Variants in ZNF280D observed in about 807,000 individuals in gnomAD.
The protein encoded by ZNF280D is zinc finger protein 280D.
A neutral mutation model predicts 94.7 loss-of-function variants in ZNF280D; 39 were observed. That is an observed-to-expected ratio of 0.41 (90% CI 0.32 to 0.54). The LOEUF (loss-of-function observed/expected upper bound fraction) is 0.54, where lower values mean the gene tolerates loss of function less well. Among genes scored for constraint, ZNF280D ranks in the 20% least tolerant of loss-of-function variants. The pLI is 0.22. For missense variants in ZNF280D, 1,090 were observed against 1,149.3 expected, an observed-to-expected ratio of 0.95 and a Z score of 0.75; for synonymous variants, 398 against 377.6, an observed-to-expected ratio of 1.05 and a Z score of -0.63.
At chr15:56,708,585 G>A (rs545719176) in intron 1 of ZNF280D, among the ~76,000 whole-genome samples, 2 of 152,158 alleles carry the variant, frequency 1.3e-5, no homozygotes, top group Admixed American at 1.3e-4. Context: ...AGAATTCTAT[G>A]AAAGATACCT....
intron 6 of ZNF280D, chr15:56,700,666 T>A: frequency 7.2e-7 from 1 of 1,388,544 alleles, no homozygotes; most frequent in Non-Finnish European, 9.3e-7. Flanking sequence ...GACTATAATT[T>A]TATTCACATT....
chr15:56,663,093 G>C (rs2054058241), intron 16 of ZNF280D, among the ~76,000 whole-genome samples: 1 of 150,852 alleles, frequency 6.6e-6, no homozygotes, highest in Non-Finnish European at 1.5e-5. Flanking sequence ...TGACCAGCCT[G>C]GGCAAAATGG....
intron 1 of ZNF280D, among the ~76,000 whole-genome samples, chr15:56,725,327 G>A (rs750986161): frequency 2.0e-5 from 3 of 151,778 alleles, no homozygotes; most frequent in Non-Finnish European, 2.9e-5. Flanking sequence ...TCTTTGCCTG[G>A]GAGTCCAGAA....
chr15:56,643,183 T>C (rs1177576540), intron 19 of ZNF280D, 186 bp from the exon 20 acceptor site: 13 of 372,148 alleles, frequency 3.5e-5, no homozygotes, highest in East Asian at 3.3e-4. Context: ...TGAGACTAAA[T>C]AGTAGATTCG....
At chr15:56,648,454 T>C (rs2053024565) in intron 19 of ZNF280D, among the ~76,000 whole-genome samples, 1 of 151,762 alleles carries the variant, frequency 6.6e-6, no homozygotes, top group Non-Finnish European at 1.5e-5. Flanking sequence ...TCCTATCCAG[T>C]TTCTTGGCCA....
chr15:56,703,320 G>A (rs553526222), intron 4 of ZNF280D, among the ~76,000 whole-genome samples: 2 of 152,128 alleles, frequency 1.3e-5, no homozygotes, highest in East Asian at 1.9e-4. Flanking sequence ...GCTGGAAGAC[G>A]GATATGGTCA....
chr15:56,725,923 C>T (rs1016575184), intron 1 of ZNF280D, among the ~76,000 whole-genome samples: 1 of 152,070 alleles, frequency 6.6e-6, no homozygotes, highest in Non-Finnish European at 1.5e-5. Flanking sequence ...ACTTTGTCTT[C>T]ATCCTGTTAT....
intron 1 of ZNF280D, among the ~76,000 whole-genome samples, chr15:56,711,482 T>C (rs1282934053): frequency 6.6e-6 from 1 of 152,052 alleles, no homozygotes; most frequent in Non-Finnish European, 1.5e-5. Flanking sequence ...CTGGCCAACA[T>C]GGTGAAACCG....
chr15:56,665,569 G>C (rs187356139), intron 16 of ZNF280D, among the ~76,000 whole-genome samples: 134 of 152,166 alleles, frequency 8.8e-4, no homozygotes, highest in Admixed American at 3.3e-3. Context: ...TAGATGGCCT[G>C]ACAGATGGAT....
At chr15:56,653,510 A>G (rs1257604486) in intron 19 of ZNF280D, 30 of 1,518,384 alleles carry the variant, frequency 2.0e-5, no homozygotes, top group Non-Finnish European at 2.5e-5. Flanking sequence ...CCTTGGAAAG[A>G]GAGAACAGGC....
intron 1 of ZNF280D, chr15:56,729,905 G>C (rs1391567924): frequency 6.6e-6 from 1 of 152,130 alleles, no homozygotes; most frequent in Non-Finnish European, 1.5e-5. Flanking sequence ...TTTGTTGTAG[G>C]AGTGTTATGT....
At chr15:56,648,085 C>T (rs1159377828) in intron 19 of ZNF280D, among the ~76,000 whole-genome samples, 1 of 152,108 alleles carries the variant, frequency 6.6e-6, no homozygotes, top group African/African-American at 2.4e-5. Context: ...GTGGGTTCTA[C>T]TTCAAATTTC....
chr15:56,653,029 T>C (rs1566937658), intron 19 of ZNF280D: 7 of 962,942 alleles, frequency 7.3e-6, no homozygotes, highest in African/African-American at 1.8e-5. Flanking sequence ...TTTTAAAAAA[T>C]CAAAATGCAA....
intron 19 of ZNF280D, among the ~76,000 whole-genome samples, chr15:56,644,698 T>C (rs894905842): frequency 6.6e-6 from 1 of 152,170 alleles, no homozygotes; most frequent in Non-Finnish European, 1.5e-5. Context: ...ATTAATTGTA[T>C]GCAGCTATTA....
At position 56,637,984 on chromosome 15, in the gene ZNF280D, T is replaced by C. The variant is rs552631971; in HGVS notation, c.2260-2734A>G. ...GGGTCTGTGATTGAGTTGTGAGTTG[T>C]ACTTAACCACATTTTTTTCATAGAA... On this transcript the variant is annotated intron_variant, in intron 20 of 21. Coordinates refer to ENST00000267807, the MANE Select transcript of ZNF280D (RefSeq NM_017661.4). 2.0e-4 allele frequency among the ~76,000 whole-genome samples: 31 copies of C among 152,330 alleles called. No individual in the cohort carries two copies. In the South Asian group the frequency reaches 6.2e-3, roughly 31 times the overall value.
chr15:56,647,241 T>C (rs2052944623), intron 19 of ZNF280D, among the ~76,000 whole-genome samples: 1 of 152,146 alleles, frequency 6.6e-6, no homozygotes, highest in South Asian at 2.1e-4. Context: ...GAGAAAAGGT[T>C]GGTTTAGGGA....
At chr15:56,660,539 A>C (rs886476180) in intron 16 of ZNF280D, among the ~76,000 whole-genome samples, 2 of 152,016 alleles carry the variant, frequency 1.3e-5, no homozygotes, top group Non-Finnish European at 1.5e-5. Context: ...AAGTGAATTC[A>C]CAGCTCACAC....
Position 56,654,213 on chromosome 15 carries a change from G to A in ZNF280D, c.2198C>T (p.Ser733Phe). 6.2e-7 allele frequency: 1 copy of A among 1,611,048 alleles called. No individual in the cohort carries two copies. Among genetic ancestry groups the A allele is most frequent in the Non-Finnish European group, 8.5e-7 (1 of 1,179,188 alleles). ...TTAAACTTACTCAGAAAGGTGCTCA[G>A]AAGTTGGGATACAAACAGAAACTGA... ...MQKVSVCIPT[S>F]EHLSELKKEA... Residue 733 changes from serine to phenylalanine, a missense_variant, in exon 19 of 22, where the codon TCT becomes TTT. Transcript: ENST00000267807.
chr15:56,660,503 T>C (rs949888931), intron 16 of ZNF280D, among the ~76,000 whole-genome samples: 2 of 152,146 alleles, frequency 1.3e-5, no homozygotes, highest in Middle Eastern at 3.4e-3. Context: ...TCCATACTTA[T>C]AGTTTTGTGT....
Sources: allele counts gnomAD v4.1 joint callset (sites outside exome capture counted in the v4.1 genomes callset), GRCh38; gene constraint gnomAD v4.1.1; transcripts MANE v1.5; gene names NCBI Gene and HGNC (gene_info 2026-07-23, HGNC 2026-07-21).